The following EPM2A variants were observed in gnomAD, a reference collection of about 807,000 sequenced individuals.
EPM2A encodes the protein EPM2A glucan phosphatase, laforin, also known as laforin.
Under a neutral mutation model 26.5 loss-of-function variants are expected in EPM2A, and 21 were observed. The ratio of observed to expected loss-of-function variants is 0.79; its 90% CI spans 0.56 to 1.14. The LOEUF is 1.14. EPM2A is among the 50% of genes most tolerant of loss of function. The pLI is 0.00. For missense variants in EPM2A, 458 were observed against 440.8 expected, an observed-to-expected ratio of 1.04 and a Z score of -0.35; for synonymous variants, 217 against 177.6, an observed-to-expected ratio of 1.22 and a Z score of -1.76.
intron 4 of EPM2A, among the ~76,000 whole-genome samples, chr6:145,464,878 C>A (rs1024617769): frequency 6.6e-5 from 10 of 152,090 alleles, no homozygotes; most frequent in Non-Finnish European, 1.0e-4. Flanking sequence ...TTGAGGGTAA[C>A]CCAACCTTTC....
chr6:145,488,522 T>TGTGTGTGA (rs1201742298), intron 4 of EPM2A, among the ~76,000 whole-genome samples: 28 of 139,918 alleles, frequency 2.0e-4, no homozygotes, highest in African/African-American at 7.0e-4. Flanking sequence ...TGTGTGTGTG[T>TGTGTGTGA]GAGAGAGAGA....
At chr6:145,627,793 G>C (rs765227414) in intron 3 of EPM2A, 100 bp from the exon 4 acceptor site, 12 of 1,501,508 alleles carry the variant, frequency 8.0e-6, no homozygotes, top group Non-Finnish European at 9.9e-6. Flanking sequence ...GGGCTGCACA[G>C]GGCCAGGCAG....
intron 3 of EPM2A, chr6:145,632,191 T>TG (rs1326497077): frequency 6.6e-6 from 1 of 152,238 alleles, no homozygotes; most frequent in Non-Finnish European, 1.5e-5. Context: ...TACCCAGTGG[T>TG]GACAAGGCTT....
chr6:145,466,904 A>C (rs1368899081), intron 4 of EPM2A, among the ~76,000 whole-genome samples: 1 of 152,184 alleles, frequency 6.6e-6, no homozygotes, highest in African/African-American at 2.4e-5. Context: ...CAAAAAACCA[A>C]ACACCACACA....
chr6:145,426,325 T>C (rs1778854123), intron 4 of EPM2A, among the ~76,000 whole-genome samples: 1 of 152,336 alleles, frequency 6.6e-6, no homozygotes, highest in African/African-American at 2.4e-5. Context: ...ATTTATTTAT[T>C]CCAGTAGGCT....
chr6:145,686,261 T>C lies in EPM2A; in HGVS notation c.337A>G (p.Asn113Asp). The change falls in exon 2 of 4, where the codon AAT (asparagine) becomes GAT (aspartate). Residue 113 changes from asparagine (N) to aspartate (D), a missense_variant. Coordinates refer to ENST00000367519, the MANE Select transcript of EPM2A (RefSeq NM_005670.4). ...GPHHDRCCTY[N>D]ENNLVDGVYC... The stretch of plus-strand genomic sequence containing the variant: ...ACACCATCCACCAAGTTGTTTTCAT[T>C]GTAAGTACAGCAACGGTCATGATGA... The C allele has an allele frequency of 3.1e-6, 5 of 1,613,972 alleles. No homozygotes were observed. The highest frequency in any genetic ancestry group is 4.2e-6 in the Non-Finnish European group (5 of 1,179,902).
chr6:145,486,420 T>G (rs1485042735), intron 4 of EPM2A, among the ~76,000 whole-genome samples: 2 of 152,208 alleles, frequency 1.3e-5, no homozygotes, highest in African/African-American at 4.8e-5. Flanking sequence ...GTTCTTCTTT[T>G]CATATAGTTA....
intron 2 of EPM2A, among the ~76,000 whole-genome samples, chr6:145,564,150 G>A (rs896747946): frequency 4.6e-5 from 7 of 152,026 alleles, no homozygotes; most frequent in African/African-American, 1.4e-4. Context: ...TAGTGCAGAC[G>A]CAATTTAAAA....
At position 145,667,726 on chromosome 6, in the gene EPM2A, GCA is replaced by G. The variant is rs1298206734; in HGVS notation, c.476+18394_476+18395del. 5.1e-3 allele frequency among the ~76,000 whole-genome samples: 663 copies of G among 131,214 alleles called. 1 individual carries two copies. Among genetic ancestry groups the G allele is most frequent in the African/African-American group, 0.02 (604 of 29,710 alleles). The allele number at this position is 131,214 out of a possible 152,430, so 86.1% of individuals were successfully genotyped here. On this transcript the variant is annotated intron_variant, in intron 2 of 3. Coordinates refer to ENST00000367519, the MANE Select transcript of EPM2A (RefSeq NM_005670.4). Reference sequence around the variant, plus strand: ...AGACACATGCACACGTATGTTTATTGCAGCATTATTCACAATAGCAAAGACTT... The same window carrying G: ...AGACACATGCACACGTATGTTTATTGGCATTATTCACAATAGCAAAGACTT...
chr6:145,717,349 A>C (rs1283216849), intron 1 of EPM2A, among the ~76,000 whole-genome samples: 2 of 152,240 alleles, frequency 1.3e-5, no homozygotes, highest in Admixed American at 1.3e-4. Flanking sequence ...GCACATAAAC[A>C]GAACCAAAGA....
chr6:145,624,365 G>C (rs1775702181), downstream of EPM2A, among the ~76,000 whole-genome samples: 1 of 152,106 alleles, frequency 6.6e-6, no homozygotes, highest in Non-Finnish European at 1.5e-5. Context: ...ACTGGTCTTT[G>C]CTTTTTCTCA....
intron 2 of EPM2A, among the ~76,000 whole-genome samples, chr6:145,596,863 G>A (rs1304082600): frequency 7.2e-6 from 1 of 139,312 alleles, no homozygotes; most frequent in Non-Finnish European, 1.5e-5. Context: ...CGTTGTATAT[G>A]CTCTCTCCGA....
chr6:145,395,247 C>A (rs1460604292), intron 4 of EPM2A, among the ~76,000 whole-genome samples: 2 of 152,104 alleles, frequency 1.3e-5, no homozygotes, highest in African/African-American at 2.4e-5. Flanking sequence ...CTCCTCTGAC[C>A]CCCTATTTGA....
At position 145,587,398 on chromosome 6, in the gene EPM2A, G is replaced by T. The variant is rs576201885; in HGVS notation, c.340+47847C>A. ...TGAAGTGTTATTCCTCATGCAGGAA[G>T]AGGAAGAGTGATTGCCTGATGTTTA... On this transcript the variant is annotated intron_variant, in intron 2 of 3. Transcript: ENST00000450221. Among the ~76,000 whole-genome samples, 118 of 152,320 alleles carry T rather than the reference G, an allele frequency of 7.7e-4. 4 individuals carry two copies. The South Asian group carries it at 0.024, about 31-fold the overall frequency.
rs141575520 is a variant in EPM2A at position 145,511,726 on chromosome 6, G to A, written c.341-9151C>T. ...TGAGACAAAGATGTCCATTCCCACC[G>A]CTCCTATTCAATATAGTAGTGGAAG... On this transcript the variant is annotated intron_variant, in intron 2 of 3. Transcript: ENST00000450221. 1.4e-3 allele frequency among the ~76,000 whole-genome samples: 218 copies of A among 152,188 alleles called. 1 individual carries two copies. Among genetic ancestry groups the A allele is most frequent in the African/African-American group, 4.9e-3 (203 of 41,524 alleles).
intron 2 of EPM2A, among the ~76,000 whole-genome samples, chr6:145,577,427 A>G (rs1025243713): frequency 6.6e-6 from 1 of 152,064 alleles, no homozygotes; most frequent in African/African-American, 2.4e-5. Flanking sequence ...ATTTCAAGAC[A>G]AAAACTATGA....
chr6:145,674,507 T>C (rs886301671), intron 2 of EPM2A, among the ~76,000 whole-genome samples: 1 of 152,044 alleles, frequency 6.6e-6, no homozygotes, highest in Non-Finnish European at 1.5e-5. Context: ...CAAACGAACA[T>C]GTCCTAACCC....
intron 2 of EPM2A, among the ~76,000 whole-genome samples, chr6:145,556,571 T>A (rs553280139): frequency 6.6e-6 from 1 of 152,110 alleles, no homozygotes; most frequent in African/African-American, 2.4e-5. Flanking sequence ...AAAGTAATAC[T>A]GTACAGGGAA....
chr6:145,728,265 T>G (rs1001249678), intron 1 of EPM2A, among the ~76,000 whole-genome samples: 1 of 152,174 alleles, frequency 6.6e-6, no homozygotes, highest in African/African-American at 2.4e-5. Context: ...CCTGAAAATG[T>G]GGAAGCAGCT....
Sources: gnomAD v4.1 joint callset for allele counts (sites outside exome capture counted in the v4.1 genomes callset) on GRCh38, gnomAD v4.1.1 for gene constraint, MANE v1.5 for transcripts, NCBI Gene and HGNC (gene_info 2026-07-23, HGNC 2026-07-21) for gene names.